Variants in ABAT observed in about 807,000 individuals in gnomAD.
ABAT encodes 4-aminobutyrate aminotransferase, mitochondrial.
A neutral mutation model predicts 64.6 loss-of-function variants in ABAT; 45 were observed. The observed-to-expected ratio is 0.70, with a 90% CI of 0.55 to 0.89. The LOEUF is 0.89. Ranked by LOEUF, ABAT falls within the 40% of genes least tolerant of loss-of-function variation. The pLI, the probability that ABAT is intolerant of heterozygous loss-of-function variation, is 0.00. For missense variants in ABAT, 633 were observed against 658.4 expected (o/e 0.96, Z 0.42); for synonymous variants, 297 against 250.5 (o/e 1.19, Z -1.75).
chr16:8,749,090 CT>C (rs763509254), intron 4 of ABAT, among the ~76,000 whole-genome samples: 450 of 140,108 alleles, frequency 3.2e-3, no homozygotes, highest in Middle Eastern at 3.7e-3. Context: ...TTTTGTTCCT[CT>C]TTTTTTTTTT....
intron 1 of ABAT, among the ~76,000 whole-genome samples, chr16:8,719,058 C>A (rs1427732034): frequency 6.6e-6 from 1 of 152,188 alleles, no homozygotes; most frequent in Non-Finnish European, 1.5e-5. Context: ...AAGTGCGTTT[C>A]CTCCAATCAC....
chr16:8,712,062 C>G (rs1441876896), intron 1 of ABAT, among the ~76,000 whole-genome samples: 1 of 151,832 alleles, frequency 6.6e-6, no homozygotes, highest in Non-Finnish European at 1.5e-5. Flanking sequence ...GAAACACCGT[C>G]TCTACTAAAA....
intron 1 of ABAT, among the ~76,000 whole-genome samples, chr16:8,677,306 A>G (rs996092362): frequency 9.2e-5 from 14 of 152,238 alleles, no homozygotes; most frequent in African/African-American, 3.4e-4. Context: ...CTTGCCGTAG[A>G]TAATCTGCCA....
At chr16:8,720,647 C>T (rs2058342567) in intron 1 of ABAT, 3 of 152,320 alleles carry the variant, frequency 2.0e-5, no homozygotes, top group Non-Finnish European at 4.4e-5. Flanking sequence ...AGGCCCACGG[C>T]TCCGGCTTTA....
rs931989858 is a variant in ABAT, at chr16:8,772,712, G to T, written c.817-68G>T. The stretch of plus-strand genomic sequence containing the variant: ...ATTGCATGGGGCTCATCGAACCCCA[G>T]ATTCCCACCCACGGATACTGGTCAC... On this transcript the variant is annotated intron_variant, in intron 11 of 15. Coordinates refer to ENST00000268251, the MANE Select transcript of ABAT (RefSeq NM_020686.6). 2.9e-5 allele frequency: 46 copies of T among 1,610,008 alleles called. No individual in the cohort carries two copies. The South Asian group carries it at 4.8e-4, about 17-fold the overall frequency.
At chr16:8,770,427 G>A (rs762331163) in intron 11 of ABAT, among the ~76,000 whole-genome samples, 34 of 151,584 alleles carry the variant, frequency 2.2e-4, no homozygotes, top group Non-Finnish European at 3.5e-4. Flanking sequence ...GTGAGCCACC[G>A]CGCCGGCCTT....
chr16:8,715,783 AT>A (rs2058200860), intron 1 of ABAT: 1 of 152,074 alleles, frequency 6.6e-6, no homozygotes, highest in South Asian at 2.1e-4. Flanking sequence ...AGATAATAGT[AT>A]TTTATTAATG....
chr16:8,761,543 A>G (rs1032933969), intron 6 of ABAT, among the ~76,000 whole-genome samples: 1 of 152,226 alleles, frequency 6.6e-6, no homozygotes, highest in Non-Finnish European at 1.5e-5. Context: ...TTTGATGGTG[A>G]ATCCACGTTC....
At chr16:8,685,646 A>G (rs2057437840) in intron 1 of ABAT, among the ~76,000 whole-genome samples, 1 of 152,206 alleles carries the variant, frequency 6.6e-6, no homozygotes, top group African/African-American at 2.4e-5. Context: ...ACTGCACTCC[A>G]GCCTGGGCAA....
Position 8,697,641 on chromosome 16 carries a change from G to GTT in ABAT, c.-42+22930_-42+22931insTT, listed in dbSNP as rs1567274123. ...TTTTGTTGTTTGTTTTTTGTTTTTT[G>GTT]GTTTTTTTTTTGGAGATGGGGTCTT... On this transcript the variant is annotated intron_variant, in intron 1 of 15. Coordinates refer to ENST00000268251, the MANE Select transcript of ABAT (RefSeq NM_020686.6). 2.6e-3 allele frequency among the ~76,000 whole-genome samples: 289 copies of GTT among 112,428 alleles called. 1 individual carries two copies. The highest frequency in any genetic ancestry group is 7.9e-3 in the African/African-American group (275 of 34,996). The allele number at this position is 112,428 out of a possible 152,430, so 73.8% of individuals were successfully genotyped here.
At chr16:8,676,171 C>T (rs551751103) in intron 1 of ABAT, among the ~76,000 whole-genome samples, 4 of 152,036 alleles carry the variant, frequency 2.6e-5, no homozygotes, top group Admixed American at 6.6e-5. Context: ...TGTGTTTTCT[C>T]GAGGCCCAAA....
chr16:8,683,482 C>G (rs192097262), intron 1 of ABAT: 3 of 150,486 alleles, frequency 2.0e-5, no homozygotes, highest in African/African-American at 7.4e-5. Context: ...CTGTGCTGAT[C>G]GGTAGTGGAA....
intron 11 of ABAT, among the ~76,000 whole-genome samples, chr16:8,772,579 C>G (rs12596790): frequency 0.25 from 38,740 of 152,200 alleles, 5,447 homozygotes; most frequent in Admixed American, 0.33. Flanking sequence ...TGTATCCACC[C>G]AGGTGCTAGC....
intron 1 of ABAT, among the ~76,000 whole-genome samples, chr16:8,711,801 T>TGGAC (rs2058082652): frequency 6.7e-6 from 1 of 149,990 alleles, no homozygotes; most frequent in Admixed American, 6.7e-5. Context: ...GATGGATGGA[T>TGGAC]GGATGGATGG....
At chr16:8,689,201 TTGTATTA>T (rs2057525816) in intron 1 of ABAT, among the ~76,000 whole-genome samples, 1 of 152,232 alleles carries the variant, frequency 6.6e-6, no homozygotes, top group Non-Finnish European at 1.5e-5. Flanking sequence ...TTTTTATGTA[TTGTATTA>T]GGTAGAATCA....
chr16:8,710,683 T>TGAGAGAGAGAGAGAGAGAGAGA (rs762237876), intron 1 of ABAT, among the ~76,000 whole-genome samples: 13 of 87,842 alleles, frequency 1.5e-4, no homozygotes, highest in South Asian at 4.9e-4. Context: ...AAGGCTGCAC[T>TGAGAGAGAGAGAGAGAGAGAGA]GAGAGAGAGA....
chr16:8,734,769 A>T (rs1304249039), intron 1 of ABAT, among the ~76,000 whole-genome samples: 1 of 152,164 alleles, frequency 6.6e-6, no homozygotes, highest in Non-Finnish European at 1.5e-5. Flanking sequence ...TTAACAAAAC[A>T]GGTTTTTAGC....
At chr16:8,697,603 C>T (rs1458980009) in intron 1 of ABAT, among the ~76,000 whole-genome samples, 1 of 151,392 alleles carries the variant, frequency 6.6e-6, no homozygotes, top group African/African-American at 2.4e-5. Flanking sequence ...TCCTCCTGTG[C>T]AAGTTAAAGG....
intron 11 of ABAT, among the ~76,000 whole-genome samples, chr16:8,770,275 C>G (rs973047367): frequency 7.2e-5 from 11 of 151,778 alleles, no homozygotes; most frequent in African/African-American, 2.7e-4. Context: ...GTAGCTGGGA[C>G]TACAGGCGCT....
Sources: allele counts gnomAD v4.1 joint callset (sites outside exome capture counted in the v4.1 genomes callset), GRCh38; gene constraint gnomAD v4.1.1; transcripts MANE v1.5; gene names NCBI Gene and HGNC (gene_info 2026-07-23, HGNC 2026-07-21).